Variants in SEPTIN4 observed in about 807,000 individuals in gnomAD.
SEPTIN4 encodes the protein septin-4.
A neutral mutation model predicts 107.1 loss-of-function variants in SEPTIN4; 52 were observed. The observed-to-expected ratio is 0.49, with a 90% CI of 0.39 to 0.61. The LOEUF (loss-of-function observed/expected upper bound fraction) is 0.61, where lower values mean the gene tolerates loss of function less well. Ranked by LOEUF, SEPTIN4 falls within the 20% of genes least tolerant of loss-of-function variation. The pLI, the probability that SEPTIN4 is intolerant of heterozygous loss-of-function variation, is 0.00. For missense variants in SEPTIN4, 1,048 were observed against 1,243.5 expected (o/e 0.84, Z 2.36); for synonymous variants, 417 against 467.0 (o/e 0.89, Z 1.38).
At position 58,543,525 on chromosome 17, in the gene SEPTIN4, C is replaced by G. The variant is rs1433302059; in HGVS notation, c.662G>C (p.Ser221Thr). The change falls in exon 1 of 14, where the codon AGT becomes ACT. Residue 221 changes from serine to threonine, a missense_variant. Physicochemically the swap from Ser to Thr is moderately conservative, Grantham distance 58. Around this residue, in one of 2 missense-constraint regions of SEPTIN4, gnomAD observed 787 missense variants for 871.8 expected, o/e 0.90. Transcript: ENST00000672673. ...TTTSEIRSPR[S>T]PSLLEHGSSC... is the part of the protein sequence containing the mutation. ...GCTTCCGTGCTCTAGGAGAGAGGGA[C>G]TCCTTGGAGATCTGATCTCACTAGT... 6.2e-7 allele frequency: 1 copy of G among 1,614,076 alleles called. No homozygotes were observed. Among genetic ancestry groups the G allele is most frequent in the African/African-American group, 1.3e-5 (1 of 74,918 alleles).
Position 58,520,435 on chromosome 17 carries a change from C to T in SEPTIN4, c.2982G>A (p.Glu994=). The stretch of plus-strand genomic sequence containing the variant: ...CAGGGCTGAAAGCCAGTTAATAGTT[C>T]TCCTTCATCTGTTTTTGTATTTTGT... ...MLHKIQKQMK[E]NY The change falls in exon 14 of 14, where the codon GAG becomes GAA. Residue 994 remains glutamate, a synonymous_variant. Coordinates refer to ENST00000672673, the MANE Select transcript of SEPTIN4 (RefSeq NM_001368771.2). 6.2e-7 allele frequency: 1 copy of T among 1,613,088 alleles called. No homozygotes were observed. Among genetic ancestry groups the T allele is most frequent in the Non-Finnish European group, 8.5e-7 (1 of 1,180,010 alleles).
chr17:58,520,415 C>A lies in SEPTIN4; in HGVS notation c.*11G>T, dbSNP rs767828931. On this transcript the variant is annotated 3_prime_UTR_variant, in exon 14 of 14. Coordinates refer to ENST00000672673, the MANE Select transcript of SEPTIN4 (RefSeq NM_001368771.2). ...GAGGAGGAGATTTAAATATCCAGGG[C>A]TGAAAGCCAGTTAATAGTTCTCCTT... The A allele has an allele frequency of 4.3e-5, 70 of 1,612,316 alleles. No homozygotes were observed. The highest frequency in any genetic ancestry group is 5.5e-5 in the Non-Finnish European group (65 of 1,179,800).
intron 3 of SEPTIN4, chr17:58,531,179 C>T (rs1263150753): frequency 6.6e-6 from 1 of 152,256 alleles, no homozygotes; most frequent in Non-Finnish European, 1.5e-5. Flanking sequence ...CAAAAACTTC[C>T]TACCTGGGCA....
At chr17:58,535,452 C>T (rs1414580357) in intron 3 of SEPTIN4, among the ~76,000 whole-genome samples, 1 of 152,220 alleles carries the variant, frequency 6.6e-6, no homozygotes, top group African/African-American at 2.4e-5. Flanking sequence ...TGTCTGAAGG[C>T]TCCCCTGCCT....
At chr17:58,539,952 C>G (rs1288526853) in intron 3 of SEPTIN4, among the ~76,000 whole-genome samples, 1 of 152,184 alleles carries the variant, frequency 6.6e-6, no homozygotes, top group African/African-American at 2.4e-5. Flanking sequence ...TAGGCTGACC[C>G]CCACTATGCA....
intron 6 of SEPTIN4, 123 bp downstream of exon 6, chr17:58,525,570 GCT>G (rs1403885528): frequency 3.6e-6 from 3 of 824,778 alleles, no homozygotes; most frequent in Non-Finnish European, 5.9e-6. Flanking sequence ...CCTATGGAGA[GCT>G]GCTGTCAGTC....
chr17:58,540,746 A>G (rs1821180536), intron 2 of SEPTIN4, 73 bp from the exon 3 acceptor site: 10 of 1,287,636 alleles, frequency 7.8e-6, no homozygotes, highest in South Asian at 2.4e-5. Flanking sequence ...CAATAGGAGG[A>G]GAAAAAGAGA....
Position 58,540,666 on chromosome 17 carries a change from C to T in SEPTIN4, c.1614G>A (p.Glu538=). ...NRVIWWLKDE[E]IKRFLEDTTD... ...AGTAACCTCCCAGGGGCATTCTTAC[C>T]TCCTCATCTGTCATAACAGAGTAGA... Residue 538 remains glutamate (E), a splice_region_variant and synonymous_variant, in exon 3 of 14, where the codon GAG becomes GAA. Coordinates refer to ENST00000672673, the MANE Select transcript of SEPTIN4 (RefSeq NM_001368771.2). The T allele has an allele frequency of 7.3e-7, 1 of 1,362,224 alleles. No individual in the cohort carries two copies. The highest frequency in any genetic ancestry group is 9.4e-7 in the Non-Finnish European group (1 of 1,062,986). 84.4% of individuals were successfully genotyped at this position (1,362,224 alleles called of 1,614,324 possible).
Position 58,544,209 on chromosome 17 carries a change from G to A in SEPTIN4, c.-23C>T, listed in dbSNP as rs764041612. 6.3e-7 allele frequency: 1 copy of A among 1,580,062 alleles called. No individual in the cohort carries two copies. Among genetic ancestry groups the A allele is most frequent in the South Asian group, 1.2e-5 (1 of 86,588 alleles). ...CATCTGATAGATTGTGCCCTTCTGA[G>A]TAGATCCCGTATTTTACTGGCTGGC... On this transcript the variant is annotated 5_prime_UTR_variant, in exon 1 of 14. Transcript: ENST00000672673.
At position 58,526,114 on chromosome 17, in the gene SEPTIN4, C is replaced by T. The variant is rs554726869; in HGVS notation, c.2005+106G>A. On this transcript the variant is annotated intron_variant, in intron 5 of 13. Transcript: ENST00000672673. ...GCTGTTTTGCAAAACAGTACAGCCA[C>T]TCGCTGCTTGCTCCCTGCGACCTAT... 79 of 1,338,210 alleles carry T rather than the reference C, an allele frequency of 5.9e-5. No individual in the cohort carries two copies. The East Asian group carries it at 2.4e-3, about 41-fold the overall frequency. The allele number at this position is 1,338,210 out of a possible 1,614,324, so 82.9% of individuals were successfully genotyped here.
chr17:58,525,755 G>A lies in SEPTIN4; in HGVS notation c.2032C>T (p.Leu678Phe), dbSNP rs1416299172. ...AGESGLGKST[L>F]VNSLFLTDLY... ...TCAGTGAGGAAGAGGCTATTGACAA[G>A]TGTGGATTTGCCCAGGCCAGACTCT... Residue 678 changes from leucine (L) to phenylalanine (F), a missense_variant, in exon 6 of 14, where the codon CTT becomes TTT. Physicochemically the swap from Leu to Phe is conservative, Grantham distance 22. Transcript: ENST00000672673. 2 of 1,614,190 alleles carry A rather than the reference G, an allele frequency of 1.2e-6. No individual in the cohort carries two copies. Among genetic ancestry groups the A allele is most frequent in the Admixed American group, 1.7e-5 (1 of 60,034 alleles).
Position 58,543,619 on chromosome 17 carries a change from G to A in SEPTIN4, c.568C>T (p.Pro190Ser). 6.2e-7 allele frequency: 1 copy of A among 1,614,210 alleles called. No individual in the cohort carries two copies. The highest frequency in any genetic ancestry group is 2.2e-5 in the East Asian group (1 of 44,882). The part of the protein sequence containing the change: ...KVQNPQGVRV[P>S]RRILSYPKDE... ...TTTGGGTAAGACAAAATCCTACGGG[G>A]AACTCTGACTCCTTGGGGGTTCTGG... Residue 190 changes from proline to serine, a missense_variant, in exon 1 of 14, where the codon CCC becomes TCC. Transcript: ENST00000672673.
At chr17:58,525,249 A>T in intron 6 of SEPTIN4, 48 bp from the exon 7 acceptor site, 1 of 1,604,400 alleles carries the variant, frequency 6.2e-7, no homozygotes, top group Non-Finnish European at 8.5e-7. Context: ...GGACCTGCCC[A>T]GTCAGGATGA....
chr17:58,539,068 C>G (rs915428316), intron 3 of SEPTIN4: 2 of 1,333,228 alleles, frequency 1.5e-6, no homozygotes, highest in Non-Finnish European at 2.0e-6. Flanking sequence ...GCCTAGCTCT[C>G]TCATGCATTA....
In SEPTIN4 at chr17:58,529,172, C is replaced by T. The variant is rs773285633; in HGVS notation, c.1615-2194G>A. ...TCCCTTGCCATCCCAGTGAACGGTC[C>T]ATGTCCCACGCTTCAGACTCCCTGT... On this transcript the variant is annotated intron_variant, in intron 3 of 13. Transcript: ENST00000672673. 3 of 1,614,232 alleles carry T rather than the reference C, an allele frequency of 1.9e-6. No individual in the cohort carries two copies. The South Asian group carries it at 3.3e-5, about 18-fold the overall frequency.
intron 3 of SEPTIN4, chr17:58,531,919 C>A: frequency 8.8e-7 from 1 of 1,136,354 alleles, no homozygotes; most frequent in Non-Finnish European, 1.1e-6. Context: ...CCTGCGCACC[C>A]CAGCCCTGCC....
chr17:58,527,464 G>T, intron 3 of SEPTIN4: 1 of 282,434 alleles, frequency 3.5e-6, no homozygotes, highest in South Asian at 3.5e-5. Context: ...GGAGAAGAAA[G>T]CTGACTGCAT....
At chr17:58,526,575 C>A (rs2042918067) in intron 4 of SEPTIN4, 107 bp downstream of exon 4, 1 of 486,074 alleles carries the variant, frequency 2.1e-6, no homozygotes, top group Non-Finnish European at 3.1e-6. Flanking sequence ...CACACACAAA[C>A]ACACACACAC....
chr17:58,521,359 G>A lies in SEPTIN4; in HGVS notation c.2572-9C>T, dbSNP rs1189081617. On this transcript the variant is annotated splice_polypyrimidine_tract_variant and intron_variant, in intron 10 of 13. Transcript: ENST00000672673. The surrounding 1 kb of genome is among the most constrained non-coding windows in gnomAD (Gnocchi z 6.4). ...GCAAATGGGATGCTTTCCTGGAAGA[G>A]GTTAGGGGTGCCTGTCAGCACCCTC... The A allele has an allele frequency of 1.2e-6, 2 of 1,613,372 alleles. No individual in the cohort carries two copies. Among genetic ancestry groups the A allele is most frequent in the African/African-American group, 2.7e-5 (2 of 74,912 alleles).
Sources: gnomAD v4.1 joint callset for allele counts (sites outside exome capture counted in the v4.1 genomes callset) on GRCh38, gnomAD v4.1.1 for gene constraint, gnomAD v4.1.1 regional missense constraint, Gnocchi (gnomAD v3.1) non-coding constraint, MANE v1.5 for transcripts, NCBI Gene and HGNC (gene_info 2026-07-23, HGNC 2026-07-21) for gene names.